TNS4: variants seen among roughly 807,000 people sequenced by gnomAD.
TNS4 encodes the protein tensin 4, also known as tensin-4.
A neutral mutation model predicts 70.4 loss-of-function variants in TNS4; 46 were observed. The observed-to-expected ratio is 0.65, with a 90% CI of 0.52 to 0.84. The LOEUF (loss-of-function observed/expected upper bound fraction) is 0.84, where lower values mean the gene tolerates loss of function less well. Among genes scored for constraint, TNS4 ranks in the 40% least tolerant of loss-of-function variants. TNS4 has a pLI of 0.00. For missense variants in TNS4, 863 were observed against 907.0 expected (o/e 0.95, Z 0.62); for synonymous variants, 390 against 366.6 (o/e 1.06, Z -0.73).
intron 1 of TNS4, among the ~76,000 whole-genome samples, chr17:40,497,064 C>A (rs1429679454): frequency 6.6e-6 from 1 of 152,126 alleles, no homozygotes; most frequent in African/African-American, 2.4e-5. Context: ...AAGGACTGGG[C>A]CCTCGGCTGC....
At position 40,496,099 on chromosome 17, in the gene TNS4, G is replaced by A; in HGVS notation, c.327C>T (p.Ile109=). The A allele has an allele frequency of 6.2e-7, 1 of 1,612,064 alleles. No individual in the cohort carries two copies. Among genetic ancestry groups the A allele is most frequent in the South Asian group, 1.1e-5 (1 of 90,756 alleles). The stretch of plus-strand genomic sequence containing the variant: ...GCTGGAAGGTGGGGTCCAGTTCCAG[G>A]ATCATCTGATTGAGGCTCTCCAGTG... ...DFSLESLNQM[I]LELDPTFQLL... The change falls in exon 2 of 13, where the codon ATC becomes ATT. Residue 109 remains isoleucine (I), a synonymous_variant. Transcript: ENST00000254051.
At position 40,479,398 on chromosome 17, in the gene TNS4, C is replaced by T. The variant is rs560234733; in HGVS notation, c.1910+276G>A. Among the ~76,000 whole-genome samples, 148 of 152,328 alleles carry T rather than the reference C, an allele frequency of 9.7e-4. 1 individual carries two copies. Among genetic ancestry groups the T allele is most frequent in the Non-Finnish European group, 1.2e-3 (84 of 68,024 alleles). On this transcript the variant is annotated intron_variant, in intron 10 of 12. Transcript: ENST00000254051. ...CTGACCTCAGGTGATCCGCCCGCCTCGGCCTCCCAAAGTGCTGGGATTACA... is the reference window on the plus strand; with the variant it reads ...CTGACCTCAGGTGATCCGCCCGCCTTGGCCTCCCAAAGTGCTGGGATTACA...
At chr17:40,478,418 C>T (rs1461077101) in intron 11 of TNS4, 85 bp from the exon 12 acceptor site, 13 of 1,561,640 alleles carry the variant, frequency 8.3e-6, no homozygotes, top group East Asian at 4.5e-5. Flanking sequence ...TGGCCAGCTG[C>T]GTCCCCACCC....
intron 8 of TNS4, 133 bp from the exon 9 acceptor site, chr17:40,480,901 A>G: frequency 9.6e-7 from 1 of 1,036,988 alleles, no homozygotes; most frequent in Non-Finnish European, 1.4e-6. Flanking sequence ...AAGTGACTCA[A>G]ACCAGGTGTG....
At position 40,487,760 on chromosome 17, in the gene TNS4, G is replaced by A. The variant is rs1002065422; in HGVS notation, c.864-300C>T. On this transcript the variant is annotated intron_variant, in intron 3 of 12. Transcript: ENST00000254051. ...TTCCGTCTGCCTTCCCAGCCAGGCC[G>A]TTCTGACTGAGCTGTCGGATCAGGA... Among the ~76,000 whole-genome samples, 64 of 152,194 alleles carry A rather than the reference G, an allele frequency of 4.2e-4. 1 individual carries two copies. Among genetic ancestry groups the A allele is most frequent in the South Asian group, 2.1e-4 (1 of 4,834 alleles).
chr17:40,489,247 G>C lies in TNS4; in HGVS notation c.440-278C>G, dbSNP rs1291434299. Among the ~76,000 whole-genome samples the C allele has an allele frequency of 3.9e-5, 6 of 152,108 alleles. No homozygotes were observed. The East Asian group carries it at 1.2e-3, about 29-fold the overall frequency. ...TCTGGCTCTGCCACTTATTTTCTGA[G>C]AGAGTTTGGCCAAAAGACTTCACCA... On this transcript the variant is annotated intron_variant, in intron 2 of 12. Coordinates refer to ENST00000254051, the MANE Select transcript of TNS4 (RefSeq NM_032865.6).
At chr17:40,486,983 C>G (rs2035996933) in intron 4 of TNS4, 53 bp downstream of exon 4, 1 of 1,590,068 alleles carries the variant, frequency 6.3e-7, no homozygotes, top group Non-Finnish European at 8.6e-7. Context: ...CCCACTGGCA[C>G]TTTGTCTATT....
At chr17:40,480,557 G>A in intron 9 of TNS4, 143 bp downstream of exon 9, 1 of 790,880 alleles carries the variant, frequency 1.3e-6, no homozygotes, top group Non-Finnish European at 1.8e-6. Context: ...GTGGCACCTT[G>A]TTAAAGATGC....
chr17:40,491,879 C>T (rs1397237196), intron 2 of TNS4, among the ~76,000 whole-genome samples: 1 of 152,080 alleles, frequency 6.6e-6, no homozygotes, highest in Non-Finnish European at 1.5e-5. Context: ...ATTAAATACC[C>T]TTCACTTGGG....
Position 40,480,729 on chromosome 17 carries a change from C to T in TNS4, c.1712G>A (p.Ser571Asn). ...GADGASDSTDSPASCQKKSAG... is the reference protein window; with the variant it reads ...GADGASDSTDNPASCQKKSAG... The stretch of plus-strand genomic sequence containing the variant: ...AGATTTCTTCTGGCAGGAGGCTGGG[C>T]TGTCTGTAGAGTCCGAGGCCCCATC... Residue 571 changes from serine (S) to asparagine (N), a missense_variant, in exon 9 of 13, where the codon AGC (serine) becomes AAC (asparagine). Transcript: ENST00000254051. 6 of 1,584,690 alleles carry T rather than the reference C, an allele frequency of 3.8e-6. No individual in the cohort carries two copies. Among genetic ancestry groups the T allele is most frequent in the Non-Finnish European group, 5.1e-6 (6 of 1,168,482 alleles).
chr17:40,497,998 G>A (rs1026313957), intron 1 of TNS4, among the ~76,000 whole-genome samples: 2 of 152,188 alleles, frequency 1.3e-5, no homozygotes, highest in African/African-American at 4.8e-5. Context: ...TGGTAAGGAG[G>A]TAAGAAGTTC....
At chr17:40,491,222 G>A (rs1318676604) in intron 2 of TNS4, among the ~76,000 whole-genome samples, 1 of 152,202 alleles carries the variant, frequency 6.6e-6, no homozygotes, top group East Asian at 1.9e-4. Context: ...GGAAACTGAA[G>A]CTTGGAGAAG....
In TNS4 at chr17:40,487,038, T is replaced by C; in HGVS notation, c.1286A>G (p.Glu429Gly). 1 of 1,613,660 alleles carries C rather than the reference T, an allele frequency of 6.2e-7. No individual in the cohort carries two copies. The highest frequency in any genetic ancestry group is 1.1e-5 in the South Asian group (1 of 91,082). ...LSDAPFTTCPEGPARDMQPTM... is the reference protein window; with the variant it reads ...LSDAPFTTCPGGPARDMQPTM... ...TCAAATATTGGTTTACGACGTACCC[T>C]CTGGGCATGTGGTAAAGGGGGCATC... is the stretch of plus-strand genomic sequence containing the variant. The change falls in exon 4 of 13, where the codon GAG becomes GGG. Residue 429 changes from glutamate (E) to glycine (G), a missense_variant and splice_region_variant. Coordinates refer to ENST00000254051, the MANE Select transcript of TNS4 (RefSeq NM_032865.6).
intron 1 of TNS4, among the ~76,000 whole-genome samples, chr17:40,499,889 C>G (rs561315522): frequency 1.3e-5 from 2 of 152,174 alleles, no homozygotes. Context: ...GGTGTCCCCT[C>G]GCAACCAGGA....
At chr17:40,478,721 G>A (rs934541049) in intron 10 of TNS4, 73 bp from the exon 11 acceptor site, 10 of 1,542,822 alleles carry the variant, frequency 6.5e-6, no homozygotes, top group South Asian at 5.6e-5. Context: ...AGCATCTCTC[G>A]TTCCCCCCAA....
chr17:40,488,570 G>C lies in TNS4; in HGVS notation c.839C>G (p.Ser280Cys). 6.6e-7 allele frequency: 1 copy of C among 1,510,984 alleles called. No homozygotes were observed. Among genetic ancestry groups the C allele is most frequent in the Non-Finnish European group, 8.9e-7 (1 of 1,129,480 alleles). 93.6% of individuals were successfully genotyped at this position (1,510,984 alleles called of 1,614,324 possible). ...RISVLSASPV[S>C]DVSYMFGSSQ... ...CCTTCCAAACATATAGCTGACATCA[G>C]ACACTGGGCTGGCTGACAGCACAGA... The change falls in exon 3 of 13, where the codon TCT becomes TGT. Residue 280 changes from serine (S) to cysteine (C), a missense_variant. Coordinates refer to ENST00000254051, the MANE Select transcript of TNS4 (RefSeq NM_032865.6).
At position 40,485,021 on chromosome 17, in the gene TNS4, G is replaced by C; in HGVS notation, c.1289-14C>G. The C allele has an allele frequency of 6.2e-7, 1 of 1,612,970 alleles. No homozygotes were observed. The highest frequency in any genetic ancestry group is 8.5e-7 in the Non-Finnish European group (1 of 1,178,972). ...CCCTGGCGGGACCTGGAGACAGACA[G>C]AGAAGGGGGACCCTGTAGGCTGGAC... On this transcript the variant is annotated splice_polypyrimidine_tract_variant and intron_variant, in intron 4 of 12. Transcript: ENST00000254051.
intron 1 of TNS4, among the ~76,000 whole-genome samples, chr17:40,497,983 G>C (rs1290616947): frequency 6.6e-6 from 1 of 152,140 alleles, no homozygotes; most frequent in Non-Finnish European, 1.5e-5. Context: ...CTTGTAGGTG[G>C]GGCTTGGTAA....
Position 40,477,732 on chromosome 17 carries a change from G to C in TNS4, c.2007-3C>G. 6.2e-7 allele frequency: 1 copy of C among 1,613,726 alleles called. No individual in the cohort carries two copies. Among genetic ancestry groups the C allele is most frequent in the Admixed American group, 1.7e-5 (1 of 60,014 alleles). ...TCTTGGCCACAAACCCAAAGATCCT[G>C]GTGGGGGAGGGCAGTCTGAGTGAGG... On this transcript the variant is annotated splice_region_variant and splice_polypyrimidine_tract_variant and intron_variant, in intron 12 of 12. Coordinates refer to ENST00000254051, the MANE Select transcript of TNS4 (RefSeq NM_032865.6).
Sources: gnomAD v4.1 joint callset for allele counts (sites outside exome capture counted in the v4.1 genomes callset) on GRCh38, gnomAD v4.1.1 for gene constraint, MANE v1.5 for transcripts, NCBI Gene and HGNC (gene_info 2026-07-23, HGNC 2026-07-21) for gene names.